The following NOL4 variants were observed in gnomAD, a reference collection of about 807,000 sequenced individuals.
NOL4 encodes nucleolar protein 4.
In NOL4, 17 loss-of-function variants were observed where a neutral mutation model predicts 75.9. The ratio of observed to expected loss-of-function variants is 0.22; its 90% confidence interval spans 0.15 to 0.34. The LOEUF (loss-of-function observed/expected upper bound fraction) is 0.34. Ranked by LOEUF, NOL4 falls within the 10% of genes least tolerant of loss-of-function variation. NOL4 has a pLI of 1.00. For missense variants in NOL4, 614 were observed against 793.5 expected, an observed-to-expected ratio of 0.77 and a Z score of 2.72; for synonymous variants, 292 against 289.9, an observed-to-expected ratio of 1.01 and a Z score of -0.07.
chr18:34,049,981 T>C (rs114540924), intron 5 of NOL4, among the ~76,000 whole-genome samples: 5 of 152,274 alleles, frequency 3.3e-5, no homozygotes, highest in Non-Finnish European at 4.4e-5. Context: ...TTATTGCACA[T>C]AATGCATGTA....
intron 9 of NOL4, among the ~76,000 whole-genome samples, chr18:33,898,900 C>T (rs906229784): frequency 6.6e-6 from 1 of 152,156 alleles, no homozygotes; most frequent in Admixed American, 6.6e-5. Context: ...GCACTCTACA[C>T]TCTAGTCAGA....
At chr18:33,959,936 A>AGTGTGT (rs140614140) in intron 6 of NOL4, among the ~76,000 whole-genome samples, 53 of 148,918 alleles carry the variant, frequency 3.6e-4, no homozygotes, top group African/African-American at 9.3e-4. Context: ...TTTCTTTCTA[A>AGTGTGT]GTGTGTGTGT....
intron 10 of NOL4, among the ~76,000 whole-genome samples, chr18:33,862,588 G>A (rs921981319): frequency 1.3e-5 from 2 of 151,862 alleles, no homozygotes; most frequent in African/African-American, 2.4e-5. Flanking sequence ...AAAACAAAGA[G>A]CCCCATCAAA....
At chr18:33,879,617 G>A (rs1435533190) in intron 10 of NOL4, among the ~76,000 whole-genome samples, 1 of 151,996 alleles carries the variant, frequency 6.6e-6, no homozygotes, top group Non-Finnish European at 1.5e-5. Context: ...GGAGGCAGAG[G>A]TAGCAGTGAG....
At chr18:33,914,905 G>C (rs952874380) in intron 9 of NOL4, among the ~76,000 whole-genome samples, 12 of 152,036 alleles carry the variant, frequency 7.9e-5, no homozygotes, top group Admixed American at 7.9e-4. Flanking sequence ...GAGGAGTCCT[G>C]GCTGGGCATA....
chr18:34,149,455 A>G (rs1463925757), intron 1 of NOL4, among the ~76,000 whole-genome samples: 1 of 151,622 alleles, frequency 6.6e-6, no homozygotes, highest in East Asian at 1.9e-4. Context: ...AGAATTTTTA[A>G]CCTAAATACA....
chr18:33,950,134 A>G (rs2069111697), intron 8 of NOL4, among the ~76,000 whole-genome samples: 1 of 151,958 alleles, frequency 6.6e-6, no homozygotes, highest in Admixed American at 6.6e-5. Flanking sequence ...TATAATTAAT[A>G]TCACTACCTA....
At chr18:33,898,813 A>G (rs2065576690) in intron 9 of NOL4, among the ~76,000 whole-genome samples, 1 of 152,160 alleles carries the variant, frequency 6.6e-6, no homozygotes, top group Non-Finnish European at 1.5e-5. Flanking sequence ...AACAAAACCC[A>G]AAGTTCCTTG....
At chr18:33,969,125 G>T (rs956480802) in intron 6 of NOL4, among the ~76,000 whole-genome samples, 1 of 152,080 alleles carries the variant, frequency 6.6e-6, no homozygotes, top group Non-Finnish European at 1.5e-5. Context: ...AGTGATTGAT[G>T]CCTTCATTAA....
intron 1 of NOL4, among the ~76,000 whole-genome samples, chr18:34,206,347 C>A (rs1321132922): frequency 6.6e-6 from 1 of 151,990 alleles, no homozygotes; most frequent in Non-Finnish European, 1.5e-5. Context: ...CTTATAATTT[C>A]TTTTGGTCTT....
At chr18:33,894,363 A>C (rs1405584979) in intron 9 of NOL4, among the ~76,000 whole-genome samples, 1 of 152,158 alleles carries the variant, frequency 6.6e-6, no homozygotes, top group Non-Finnish European at 1.5e-5. Context: ...TCACATATAC[A>C]ACAACACACA....
chr18:34,104,208 C>T lies in NOL4; in HGVS notation c.527-49G>A, dbSNP rs200446757. 1,452 of 1,057,132 alleles carry T rather than the reference C, an allele frequency of 1.4e-3. 5 individuals carry two copies. The highest frequency in any genetic ancestry group is 5.1e-3 in the South Asian group (402 of 78,290). The allele number at this position is 1,057,132 out of a possible 1,614,324, so 65.5% of individuals were successfully genotyped here. On this transcript the variant is annotated intron_variant, in intron 3 of 10. Transcript: ENST00000261592. Reference sequence around the variant, plus strand: ...GTAATGAAAGTAATACTGCATTCTACCTGTAATTTTAAAATGATCTATTTC... The same window carrying T: ...GTAATGAAAGTAATACTGCATTCTATCTGTAATTTTAAAATGATCTATTTC...
rs547030423 is a variant in NOL4 at position 34,119,332 on chromosome 18, T to C, written c.414+10539A>G. Among the ~76,000 whole-genome samples the C allele has an allele frequency of 5.3e-5, 8 of 152,300 alleles. No individual in the cohort carries two copies. The East Asian group carries it at 9.7e-4, about 18-fold the overall frequency. ...GTTTCCAATAGCAAAACCAGGAAAC[T>C]GCCAGATTTGCACAATCACCCCCAA... On this transcript the variant is annotated intron_variant, in intron 2 of 10. Transcript: ENST00000261592.
chr18:34,162,465 C>T (rs1240296381), intron 1 of NOL4, among the ~76,000 whole-genome samples: 10 of 152,092 alleles, frequency 6.6e-5, no homozygotes, highest in African/African-American at 1.2e-4. Context: ...AACACCTCTA[C>T]GCAAATAAAC....
chr18:34,109,261 A>T (rs553689966), intron 2 of NOL4, among the ~76,000 whole-genome samples: 13 of 152,144 alleles, frequency 8.5e-5, no homozygotes, highest in Non-Finnish European at 2.9e-5. Context: ...CTGTAATCCC[A>T]GCTACTTGGG....
intron 9 of NOL4, among the ~76,000 whole-genome samples, chr18:33,918,202 A>G (rs533657335): frequency 6.6e-6 from 1 of 152,326 alleles, no homozygotes; most frequent in African/African-American, 2.4e-5. Context: ...AGAGGGGGAA[A>G]AATCTGCTCA....
Position 34,107,056 on chromosome 18 carries a change from A to C in NOL4, c.415-1896T>G, listed in dbSNP as rs115481497. ...TCATTGAAAGATAGGTAAGTGCTGG[A>C]GTTGGAGAGACACTCCATTGGCTTC... On this transcript the variant is annotated intron_variant, in intron 2 of 10. Coordinates refer to ENST00000261592, the MANE Select transcript of NOL4 (RefSeq NM_003787.5). Among the ~76,000 whole-genome samples the C allele has an allele frequency of 2.3e-3, 351 of 152,194 alleles. 1 individual carries two copies. Among genetic ancestry groups the C allele is most frequent in the African/African-American group, 8.0e-3 (334 of 41,544 alleles).
chr18:33,940,228 T>G (rs1288510645), intron 9 of NOL4, among the ~76,000 whole-genome samples: 2 of 152,066 alleles, frequency 1.3e-5, no homozygotes, highest in Non-Finnish European at 2.9e-5. Flanking sequence ...TTATAAATCA[T>G]TCTGCTATAA....
At chr18:33,886,385 G>T (rs1042526274) in intron 9 of NOL4, among the ~76,000 whole-genome samples, 2 of 151,658 alleles carry the variant, frequency 1.3e-5, no homozygotes, top group Admixed American at 6.6e-5. Flanking sequence ...AAAATTAGCT[G>T]GGCGTGGTGG....
Sources: allele counts gnomAD v4.1 joint callset (sites outside exome capture counted in the v4.1 genomes callset), GRCh38; gene constraint gnomAD v4.1.1; transcripts MANE v1.5; gene names NCBI Gene and HGNC (gene_info 2026-07-23, HGNC 2026-07-21).